The following CPEB1 variants were observed in gnomAD, a reference collection of about 807,000 sequenced individuals.
CPEB1 encodes the protein cytoplasmic polyadenylation element-binding protein 1.
In CPEB1, 7 loss-of-function variants were observed where a neutral mutation model predicts 65.8. The observed-to-expected ratio is 0.11, with a 90% confidence interval of 0.06 to 0.20. The LOEUF (loss-of-function observed/expected upper bound fraction) is 0.20. CPEB1 is among the 10% of genes least tolerant of loss of function. The pLI, the probability that CPEB1 is intolerant of heterozygous loss-of-function variation, is 1.00. For missense variants in CPEB1, 551 were observed against 712.2 expected (o/e 0.77, Z 2.58); for synonymous variants, 262 against 260.0 (o/e 1.01, Z -0.08).
intron 4 of CPEB1, among the ~76,000 whole-genome samples, chr15:82,562,745 G>A (rs1170917937): frequency 6.6e-6 from 1 of 152,004 alleles, no homozygotes; most frequent in African/African-American, 2.4e-5. Context: ...TGAGGCAGGA[G>A]GATCACTTGA....
chr15:82,554,072 A>G, intron 6 of CPEB1, 81 bp from the exon 7 acceptor site: 1 of 787,698 alleles, frequency 1.3e-6, no homozygotes, highest in Non-Finnish European at 2.1e-6. Context: ...GAACTTGTCC[A>G]GTAAGAACCT....
intron 1 of CPEB1, chr15:82,629,545 A>G: frequency 1.0e-6 from 1 of 985,422 alleles, no homozygotes; most frequent in Non-Finnish European, 1.2e-6. Context: ...CCAGATGCCC[A>G]AAGCAGAAAT....
Position 82,544,625 on chromosome 15 carries a change from C to T in CPEB1, c.1734G>A (p.Leu578=). ...AATCTCGGTTCTTCTGGTTCCGCAT[C>T]AGGGGGCTGTGGTGGCGCAGGCCCT... ...SMEGLRHHSP[L]MRNQKNRDSS is the part of the protein sequence containing the mutation. The change falls in exon 13 of 13, where the codon CTG becomes CTA. Residue 578 remains leucine (L), a synonymous_variant. Coordinates refer to ENST00000684509, the MANE Select transcript of CPEB1 (RefSeq NM_001365242.1). 1 of 1,613,258 alleles carries T rather than the reference C, an allele frequency of 6.2e-7. No individual in the cohort carries two copies. Among genetic ancestry groups the T allele is most frequent in the Non-Finnish European group, 8.5e-7 (1 of 1,179,858 alleles).
intron 12 of CPEB1, among the ~76,000 whole-genome samples, chr15:82,545,029 G>C (rs1376746245): frequency 2.6e-5 from 4 of 152,190 alleles, no homozygotes; most frequent in Non-Finnish European, 5.9e-5. Flanking sequence ...CTACAGAGTA[G>C]TTGTATCACA....
At chr15:82,640,388 C>T (rs186116528) in intron 1 of CPEB1, among the ~76,000 whole-genome samples, 3 of 152,278 alleles carry the variant, frequency 2.0e-5, no homozygotes, top group East Asian at 3.9e-4. Flanking sequence ...CATAGGAACA[C>T]AAGTGGACTA....
chr15:82,552,723 A>C, intron 8 of CPEB1, 107 bp from the exon 9 acceptor site: 1 of 1,264,752 alleles, frequency 7.9e-7, no homozygotes, highest in Non-Finnish European at 1.1e-6. Flanking sequence ...TCTTGTGTAT[A>C]AGATACATTT....
chr15:82,615,644 A>G (rs2044638742), intron 3 of CPEB1, among the ~76,000 whole-genome samples: 1 of 152,198 alleles, frequency 6.6e-6, no homozygotes, highest in African/African-American at 2.4e-5. Flanking sequence ...TATAAAGAAA[A>G]CAAAATCAAG....
At chr15:82,571,307 T>C in intron 4 of CPEB1, 37 bp downstream of exon 4, 1 of 1,585,986 alleles carries the variant, frequency 6.3e-7, no homozygotes, top group Admixed American at 1.8e-5. Flanking sequence ...CCCCCATGCA[T>C]CCCCTTACCC....
At chr15:82,647,715 A>C (rs1213062245), upstream of CPEB1, 28 of 638,732 alleles carry the variant, frequency 4.4e-5, no homozygotes, top group Non-Finnish European at 5.6e-5. Context: ...GCCCGCGGGC[A>C]CGTGACCGCG....
At chr15:82,552,318 T>G (rs1248877073) in intron 9 of CPEB1, among the ~76,000 whole-genome samples, 162 bp downstream of exon 9, 1 of 150,792 alleles carries the variant, frequency 6.6e-6, no homozygotes, top group Non-Finnish European at 1.5e-5. Flanking sequence ...TTTTTTAATG[T>G]AATTGAGAGG....
At chr15:82,585,325 C>T (rs540319153) in intron 3 of CPEB1, among the ~76,000 whole-genome samples, 94 of 152,330 alleles carry the variant, frequency 6.2e-4, no homozygotes, top group African/African-American at 2.2e-3. Context: ...GTAATACAGA[C>T]TGTGATCAAG....
chr15:82,579,639 G>A (rs1350442983), intron 3 of CPEB1, among the ~76,000 whole-genome samples: 5 of 151,946 alleles, frequency 3.3e-5, no homozygotes, highest in Admixed American at 6.6e-5. Flanking sequence ...ACGGCCGGGC[G>A]CGGTGGCTCA....
chr15:82,630,013 T>C, intron 1 of CPEB1: 2 of 985,402 alleles, frequency 2.0e-6, no homozygotes, highest in Non-Finnish European at 2.4e-6. Context: ...AACTGTTAAA[T>C]CCAGTGACAC....
chr15:82,582,702 C>T (rs1361913255), intron 3 of CPEB1, among the ~76,000 whole-genome samples: 6 of 150,504 alleles, frequency 4.0e-5, no homozygotes, highest in Admixed American at 6.6e-5. Context: ...GGTCCCCATA[C>T]TGTGTACTAA....
rs751188082 is a variant in CPEB1 at position 82,549,640 on chromosome 15, C to T, written c.1300G>A (p.Val434Ile). The change falls in exon 10 of 13, where the codon GTA becomes ATA. Residue 434 changes from valine (V) to isoleucine (I), a missense_variant. By Grantham distance (29) the Val-to-Ile change is conservative. This residue lies in a region of CPEB1 where 99 missense variants were observed against 161.3 expected (regional missense o/e 0.61). Transcript: ENST00000684509. ...CGGACAAAGTTACTGTCGGCTAATA[C>T]CCAGGGGATCACCTGCACCTGAAAA... ...RCKEVQVIPW[V>I]LADSNFVRSP... The T allele has an allele frequency of 1.2e-6, 2 of 1,614,020 alleles. No individual in the cohort carries two copies. The highest frequency in any genetic ancestry group is 3.3e-5 in the Admixed American group (2 of 59,996).
chr15:82,593,888 CCTT>C (rs1315029908), intron 3 of CPEB1, among the ~76,000 whole-genome samples: 1 of 152,142 alleles, frequency 6.6e-6, no homozygotes, highest in Admixed American at 6.5e-5. Flanking sequence ...GAAAGGAATC[CCTT>C]CTTGTCTGTA....
upstream of CPEB1, chr15:82,648,286 C>T (rs587761043): frequency 2.3e-5 from 4 of 173,104 alleles, no homozygotes; most frequent in Non-Finnish European, 3.7e-5. Flanking sequence ...AAAGAGGGCA[C>T]GATTTACAAG....
chr15:82,570,262 TCAA>T (rs2039810197), intron 4 of CPEB1, among the ~76,000 whole-genome samples: 1 of 151,692 alleles, frequency 6.6e-6, no homozygotes, highest in Non-Finnish European at 1.5e-5. Flanking sequence ...GCCACAGAAA[TCAA>T]CAAGACAGTA....
intron 3 of CPEB1, among the ~76,000 whole-genome samples, chr15:82,605,482 T>C (rs1006203945): frequency 6.6e-6 from 1 of 152,178 alleles, no homozygotes; most frequent in Admixed American, 6.5e-5. Context: ...TGACGGTAAC[T>C]ATAGTTGTAT....
Sources: allele counts gnomAD v4.1 joint callset (sites outside exome capture counted in the v4.1 genomes callset), GRCh38; gene constraint gnomAD v4.1.1; regional missense constraint gnomAD v4.1.1; transcripts MANE v1.5; gene names NCBI Gene and HGNC (gene_info 2026-07-23, HGNC 2026-07-21).